PDS5A: variants seen among roughly 807,000 people sequenced by gnomAD.
PDS5A encodes the protein sister chromatid cohesion protein PDS5 homolog A.
A neutral mutation model predicts 167.1 loss-of-function variants in PDS5A; 42 were observed. The ratio of observed to expected loss-of-function variants is 0.25; its 90% CI spans 0.20 to 0.33. The LOEUF is 0.33. Among genes scored for constraint, PDS5A ranks in the 10% least tolerant of loss-of-function variants. PDS5A has a pLI of 1.00. For missense variants in PDS5A, 1,033 were observed against 1,605.9 expected, an observed-to-expected ratio of 0.64 and a Z score of 6.10; for synonymous variants, 553 against 554.6, an observed-to-expected ratio of 1.00 and a Z score of 0.04.
chr4:39,926,246 G>A (rs576824091), intron 4 of PDS5A, among the ~76,000 whole-genome samples: 84 of 152,090 alleles, frequency 5.5e-4, no homozygotes, highest in African/African-American at 1.9e-3. Context: ...TAGAGGCCGG[G>A]CCCGGTGGCT....
chr4:39,826,897 T>G (rs1344268111), intron 32 of PDS5A, among the ~76,000 whole-genome samples: 1 of 152,214 alleles, frequency 6.6e-6, no homozygotes, highest in Admixed American at 6.5e-5. Flanking sequence ...TACATACATA[T>G]TTTATAAAGG....
intron 2 of PDS5A, among the ~76,000 whole-genome samples, chr4:39,946,777 G>A (rs1300690873): frequency 6.6e-6 from 1 of 151,838 alleles, no homozygotes; most frequent in Non-Finnish European, 1.5e-5. Context: ...TCAGTCAGGC[G>A]TGGCGGGCAC....
At chr4:39,863,128 C>A in intron 24 of PDS5A, 55 bp from the exon 25 acceptor site, 1 of 1,346,080 alleles carries the variant, frequency 7.4e-7, no homozygotes, top group Middle Eastern at 1.8e-4. Context: ...TAAAAAACAG[C>A]AGTTTAAGTA....
intron 16 of PDS5A, among the ~76,000 whole-genome samples, chr4:39,890,624 CTT>C (rs547216501): frequency 6.8e-6 from 1 of 146,962 alleles, no homozygotes; most frequent in African/African-American, 2.5e-5. Context: ...GATATAGCAA[CTT>C]TTTTTTTTTT....
intron 31 of PDS5A, among the ~76,000 whole-genome samples, chr4:39,839,889 T>G (rs191023994): frequency 4.0e-5 from 6 of 150,444 alleles, no homozygotes; most frequent in Non-Finnish European, 8.9e-5. Flanking sequence ...AGGTCAGGAG[T>G]TCAAGACCAG....
chr4:39,846,146 T>C (rs1299541090), intron 28 of PDS5A: 4 of 216,660 alleles, frequency 1.8e-5, no homozygotes, highest in Non-Finnish European at 3.6e-5. Context: ...ACACACATGT[T>C]TTCATACGGT....
chr4:39,930,262 G>GTTT (rs1194110821), intron 2 of PDS5A, among the ~76,000 whole-genome samples: 10 of 74,944 alleles, frequency 1.3e-4, no homozygotes, highest in African/African-American at 3.1e-4. Context: ...TTTGTTTTTT[G>GTTT]TTTTTTTTTT....
chr4:39,950,601 T>C (rs777925281), intron 2 of PDS5A, among the ~76,000 whole-genome samples: 6 of 152,132 alleles, frequency 3.9e-5, no homozygotes, highest in African/African-American at 1.2e-4. Flanking sequence ...TTGTTTGTTT[T>C]TGAGATGGAG....
At chr4:39,974,606 G>A (rs535473576) in intron 2 of PDS5A, among the ~76,000 whole-genome samples, 16 of 152,080 alleles carry the variant, frequency 1.1e-4, no homozygotes, top group Middle Eastern at 3.4e-3. Flanking sequence ...GTGCAATGGC[G>A]CGATCTCCGC....
intron 32 of PDS5A, among the ~76,000 whole-genome samples, chr4:39,833,795 G>A (rs187432796): frequency 6.6e-6 from 1 of 152,274 alleles, no homozygotes; most frequent in African/African-American, 2.4e-5. Context: ...CAAGAGGACT[G>A]ACAAGAGCAG....
At chr4:39,960,143 A>C (rs575306365) in intron 2 of PDS5A, among the ~76,000 whole-genome samples, 14 of 152,048 alleles carry the variant, frequency 9.2e-5, no homozygotes, top group Admixed American at 8.5e-4. Flanking sequence ...GGTGGCACGC[A>C]CCTGTAATCC....
chr4:39,903,617 T>C (rs1363662192), intron 12 of PDS5A, among the ~76,000 whole-genome samples: 4 of 152,330 alleles, frequency 2.6e-5, no homozygotes, highest in South Asian at 2.1e-4. Flanking sequence ...TTGCCACACA[T>C]TGGGCTAGGA....
intron 2 of PDS5A, among the ~76,000 whole-genome samples, chr4:39,962,138 A>C (rs150197533): frequency 6.6e-6 from 1 of 152,096 alleles, no homozygotes; most frequent in South Asian, 2.1e-4. Context: ...GCTCACTGCA[A>C]GCTCCGCCTC....
intron 10 of PDS5A, chr4:39,910,007 G>A: frequency 2.9e-6 from 1 of 341,002 alleles, no homozygotes; most frequent in South Asian, 9.2e-5. Context: ...AAAGTGAGAG[G>A]TCACTTGAGC....
intron 2 of PDS5A, among the ~76,000 whole-genome samples, chr4:39,960,896 G>A (rs920896384): frequency 1.3e-5 from 2 of 152,066 alleles, no homozygotes; most frequent in Admixed American, 6.6e-5. Flanking sequence ...CACCATCATG[G>A]CCAGGATGGT....
intron 5 of PDS5A, among the ~76,000 whole-genome samples, chr4:39,923,556 A>G (rs529891895): frequency 6.6e-6 from 1 of 151,502 alleles, no homozygotes; most frequent in Admixed American, 6.6e-5. Flanking sequence ...GGATCACTGG[A>G]GCCCAGGAGG....
Position 39,902,476 on chromosome 4 carries a change from A to C in PDS5A, c.1386-16T>G, listed in dbSNP as rs1248404576. 2.4e-6 allele frequency: 3 copies of C among 1,269,050 alleles called. No individual in the cohort carries two copies. The highest frequency in any genetic ancestry group is 3.8e-4 in the Middle Eastern group (2 of 5,276). The allele number at this position is 1,269,050 out of a possible 1,614,324, so 78.6% of individuals were successfully genotyped here. A position where few individuals can be genotyped will look rare whatever the true frequency, so the allele number is the denominator to read the frequency against. ...TACCAACAGTCTAGGAAATAACAAC[A>C]ACAAAAAAAACCTAAGTGACACAAT... On this transcript the variant is annotated splice_polypyrimidine_tract_variant and intron_variant, in intron 12 of 32. Transcript: ENST00000303538.
chr4:39,961,748 C>T (rs568834245), intron 2 of PDS5A, among the ~76,000 whole-genome samples: 18 of 152,268 alleles, frequency 1.2e-4, no homozygotes, highest in African/African-American at 4.3e-4. Flanking sequence ...TAACAATTAA[C>T]TGTGAAAATA....
intron 2 of PDS5A, chr4:39,973,471 G>C (rs188195717): frequency 1.1e-5 from 15 of 1,349,712 alleles, no homozygotes; most frequent in Non-Finnish European, 1.5e-5. Flanking sequence ...TAATATTTAC[G>C]TGAAAAATCT....
Sources: allele counts gnomAD v4.1 joint callset (sites outside exome capture counted in the v4.1 genomes callset), GRCh38; gene constraint gnomAD v4.1.1; transcripts MANE v1.5; gene names NCBI Gene and HGNC (gene_info 2026-07-23, HGNC 2026-07-21).